LRFN2: variants seen among roughly 807,000 people sequenced by gnomAD.
LRFN2 encodes the protein leucine rich repeat and fibronectin type III domain containing 2.
A neutral mutation model predicts 37.3 loss-of-function variants in LRFN2; 18 were observed. The observed-to-expected ratio is 0.48, with a 90% CI of 0.33 to 0.72. The LOEUF is 0.72. Among genes scored for constraint, LRFN2 ranks in the 30% least tolerant of loss-of-function variants. The pLI is 0.02. For missense variants in LRFN2, 1,006 were observed against 1,060.7 expected (o/e 0.95, Z 0.72); for synonymous variants, 556 against 466.6 (o/e 1.19, Z -2.47).
intron 2 of LRFN2, among the ~76,000 whole-genome samples, chr6:40,402,733 C>T (rs1762766398): frequency 6.6e-6 from 1 of 152,144 alleles, no homozygotes; most frequent in African/African-American, 2.4e-5. Context: ...CATGATAACC[C>T]CGGGAAGTAC....
At chr6:40,573,854 G>A (rs1250124927) in intron 1 of LRFN2, among the ~76,000 whole-genome samples, 3 of 152,048 alleles carry the variant, frequency 2.0e-5, no homozygotes, top group East Asian at 1.9e-4. Context: ...GATGCTACTC[G>A]GGGAGCTAAA....
chr6:40,524,543 C>T (rs1766190268), intron 1 of LRFN2, among the ~76,000 whole-genome samples: 1 of 152,146 alleles, frequency 6.6e-6, no homozygotes, highest in South Asian at 2.1e-4. Flanking sequence ...TGTACCTTTT[C>T]CATCTTTCTT....
At chr6:40,581,619 A>G (rs1163177910) in intron 1 of LRFN2, among the ~76,000 whole-genome samples, 1 of 152,202 alleles carries the variant, frequency 6.6e-6, no homozygotes, top group Non-Finnish European at 1.5e-5. Flanking sequence ...CAAGTAATCA[A>G]TTCTACCCAT....
At chr6:40,549,398 G>A (rs1364437119) in intron 1 of LRFN2, among the ~76,000 whole-genome samples, 1 of 152,192 alleles carries the variant, frequency 6.6e-6, no homozygotes, top group Non-Finnish European at 1.5e-5. Context: ...CTCAGGCTAT[G>A]TACCTGATAA....
intron 1 of LRFN2, among the ~76,000 whole-genome samples, chr6:40,532,843 G>A (rs1766372010): frequency 6.6e-6 from 1 of 152,232 alleles, no homozygotes; most frequent in Non-Finnish European, 1.5e-5. Context: ...GCCCCCAGCA[G>A]GTGGGTACTG....
intron 1 of LRFN2, among the ~76,000 whole-genome samples, chr6:40,550,664 G>T (rs1318806730): frequency 6.6e-6 from 1 of 152,222 alleles, no homozygotes; most frequent in East Asian, 1.9e-4. Flanking sequence ...CCAAATGGGA[G>T]TGGTATAGTT....
intron 1 of LRFN2, among the ~76,000 whole-genome samples, chr6:40,501,251 T>A (rs2504832): frequency 0.46 from 69,212 of 151,538 alleles, 16,119 homozygotes; most frequent in East Asian, 0.56. Context: ...ATCAGAGGTT[T>A]TCTAGGAAAG....
At chr6:40,423,052 G>A (rs1763266223) in intron 2 of LRFN2, among the ~76,000 whole-genome samples, 1 of 152,170 alleles carries the variant, frequency 6.6e-6, no homozygotes, top group South Asian at 2.1e-4. Context: ...ACCTTCTTGA[G>A]GACAGTGAGA....
chr6:40,561,421 G>T (rs187792613), intron 1 of LRFN2, among the ~76,000 whole-genome samples: 1 of 152,308 alleles, frequency 6.6e-6, no homozygotes, highest in Non-Finnish European at 1.5e-5. Context: ...TCTGGGAATA[G>T]AATCCATGTC....
At chr6:40,399,679 C>T (rs996060563) in intron 2 of LRFN2, among the ~76,000 whole-genome samples, 1 of 151,790 alleles carries the variant, frequency 6.6e-6, no homozygotes, top group African/African-American at 2.4e-5. Flanking sequence ...CTCAGACCAT[C>T]CGCCCGCCTT....
chr6:40,413,088 C>T (rs1219561723), intron 2 of LRFN2, among the ~76,000 whole-genome samples: 1 of 152,200 alleles, frequency 6.6e-6, no homozygotes, highest in African/African-American at 2.4e-5. Flanking sequence ...TCTGTGCACA[C>T]TGACCCCATG....
At chr6:40,456,147 A>G (rs1031063388) in intron 1 of LRFN2, among the ~76,000 whole-genome samples, 1 of 152,246 alleles carries the variant, frequency 6.6e-6, no homozygotes, top group Non-Finnish European at 1.5e-5. Context: ...TTCCCCTAGA[A>G]TCAAGCCTAC....
At chr6:40,482,773 C>T (rs1200842036) in intron 1 of LRFN2, among the ~76,000 whole-genome samples, 1 of 152,182 alleles carries the variant, frequency 6.6e-6, no homozygotes, top group Non-Finnish European at 1.5e-5. Context: ...CCCCTCCTGG[C>T]CAGGCCAGCT....
At chr6:40,555,826 C>T (rs1766864886) in intron 1 of LRFN2, among the ~76,000 whole-genome samples, 1 of 152,102 alleles carries the variant, frequency 6.6e-6, no homozygotes, top group African/African-American at 2.4e-5. Context: ...GAAATCCCCA[C>T]CAATGGCCAC....
intron 1 of LRFN2, among the ~76,000 whole-genome samples, chr6:40,446,586 G>T (rs929422194): frequency 1.3e-5 from 2 of 152,196 alleles, no homozygotes; most frequent in African/African-American, 4.8e-5. Context: ...CATCATTAGC[G>T]GCGATATGTA....
chr6:40,427,461 G>A (rs548143939), intron 2 of LRFN2, among the ~76,000 whole-genome samples: 68 of 152,318 alleles, frequency 4.5e-4, no homozygotes, highest in Non-Finnish European at 7.3e-4. Flanking sequence ...CTCCAGAGAT[G>A]CTGGTCCAGC....
intron 1 of LRFN2, among the ~76,000 whole-genome samples, chr6:40,545,330 T>C (rs971272438): frequency 6.6e-5 from 10 of 152,166 alleles, no homozygotes; most frequent in African/African-American, 2.2e-4. Flanking sequence ...GGTGGTGTGG[T>C]TGGGCTGGGC....
intron 1 of LRFN2, among the ~76,000 whole-genome samples, chr6:40,492,783 C>A (rs1352468323): frequency 6.6e-6 from 1 of 152,136 alleles, no homozygotes; most frequent in Non-Finnish European, 1.5e-5. Context: ...TAACCAGAAC[C>A]AGTTCCGAAG....
At chr6:40,436,678 G>A (rs1763685688) in intron 1 of LRFN2, among the ~76,000 whole-genome samples, 1 of 152,194 alleles carries the variant, frequency 6.6e-6, no homozygotes, top group African/African-American at 2.4e-5. Flanking sequence ...GGTCACAGGT[G>A]TTGATACATG....
Sources: gnomAD v4.1 joint callset for allele counts (sites outside exome capture counted in the v4.1 genomes callset) on GRCh38, gnomAD v4.1.1 for gene constraint, MANE v1.5 for transcripts, NCBI Gene and HGNC (gene_info 2026-07-23, HGNC 2026-07-21) for gene names.